Variants in PLA2G4A observed in about 807,000 individuals in gnomAD.
PLA2G4A encodes the protein phospholipase A2 group IVA, also known as cytosolic phospholipase A2.
In PLA2G4A, 40 loss-of-function variants were observed where a neutral mutation model predicts 81.9. That is an observed-to-expected ratio of 0.49 (90% CI 0.38 to 0.64). The LOEUF is 0.64. PLA2G4A is among the 30% of genes least tolerant of loss of function. PLA2G4A has a pLI of 0.00. For missense variants in PLA2G4A, 715 were observed against 905.1 expected, an observed-to-expected ratio of 0.79 and a Z score of 2.69; for synonymous variants, 302 against 296.9, an observed-to-expected ratio of 1.02 and a Z score of -0.18.
intron 3 of PLA2G4A, among the ~76,000 whole-genome samples, chr1:186,874,613 T>G (rs1388633143): frequency 6.6e-6 from 1 of 152,106 alleles, no homozygotes; most frequent in African/African-American, 2.4e-5. Flanking sequence ...AAACTCTTTT[T>G]CTTTACAGAA....
chr1:186,889,846 C>T (rs1654072746), intron 3 of PLA2G4A, among the ~76,000 whole-genome samples: 1 of 152,064 alleles, frequency 6.6e-6, no homozygotes, highest in Admixed American at 6.6e-5. Flanking sequence ...CCTCTAATTC[C>T]AGCTCCTCTT....
intron 5 of PLA2G4A, among the ~76,000 whole-genome samples, chr1:186,902,955 A>G (rs909078987): frequency 6.6e-6 from 1 of 152,092 alleles, no homozygotes; most frequent in African/African-American, 2.4e-5. Context: ...TTAAACATGC[A>G]GAATTTATTA....
At chr1:186,856,095 T>C (rs765071200) in intron 2 of PLA2G4A, among the ~76,000 whole-genome samples, 2 of 151,896 alleles carry the variant, frequency 1.3e-5, no homozygotes, top group Non-Finnish European at 2.9e-5. Context: ...TGCATGCATG[T>C]ACACGCACAT....
chr1:186,959,919 T>TAAAGGA (rs61540498), intron 14 of PLA2G4A, among the ~76,000 whole-genome samples: 60,572 of 151,770 alleles, frequency 0.4, 12,329 homozygotes, highest in South Asian at 0.54. Flanking sequence ...GATTTTTATC[T>TAAAGGA]AATCTAGATA....
Position 186,872,027 on chromosome 1 carries a change from G to T in PLA2G4A, c.115+1511G>T, listed in dbSNP as rs558409465. ...GGAAGTTGGTAAATGTCTGAAGCAA[G>T]GAGAGGATTGTTAGGTAGAATCTAA... On this transcript the variant is annotated intron_variant, in intron 3 of 17. Transcript: ENST00000367466. 2.0e-5 allele frequency among the ~76,000 whole-genome samples: 3 copies of T among 152,176 alleles called. No individual in the cohort carries two copies. In the East Asian group the frequency reaches 5.8e-4, roughly 30 times the overall value.
intron 1 of PLA2G4A, among the ~76,000 whole-genome samples, chr1:186,853,407 G>A (rs1652445061): frequency 6.6e-6 from 1 of 151,744 alleles, no homozygotes. Context: ...TTGTGACAAT[G>A]AGCAGGAATC....
At chr1:186,940,425 T>C (rs1431071188) in intron 10 of PLA2G4A, among the ~76,000 whole-genome samples, 1 of 152,196 alleles carries the variant, frequency 6.6e-6, no homozygotes, top group African/African-American at 2.4e-5. Flanking sequence ...TGCAAATTGT[T>C]TTACTTGTTG....
At chr1:186,915,770 T>C (rs561754595) in intron 7 of PLA2G4A, among the ~76,000 whole-genome samples, 2 of 152,150 alleles carry the variant, frequency 1.3e-5, no homozygotes, top group Non-Finnish European at 2.9e-5. Context: ...TCTGTGTGAT[T>C]TGAGCTCCAC....
Position 186,912,749 on chromosome 1 carries a change from TG to T in PLA2G4A, c.558+1361del, listed in dbSNP as rs1654997996. 6.4e-5 allele frequency among the ~76,000 whole-genome samples: 9 copies of T among 141,016 alleles called. No homozygotes were observed. The South Asian group carries it at 1.9e-3, about 30-fold the overall frequency. 92.5% of individuals were successfully genotyped at this position (141,016 alleles called of 152,430 possible). On this transcript the variant is annotated intron_variant, in intron 7 of 17. Transcript: ENST00000367466. ...ATATATACATATATATACATATATA[TG>T]TATATATATACATAAGTATATATAT...
At chr1:186,956,947 G>C (rs916317176) in intron 14 of PLA2G4A, among the ~76,000 whole-genome samples, 1 of 152,016 alleles carries the variant, frequency 6.6e-6, no homozygotes, top group Non-Finnish European at 1.5e-5. Context: ...CTAGCACTTT[G>C]GGAGGCCGAG....
chr1:186,893,130 T>C lies in PLA2G4A; in HGVS notation c.235T>C (p.Leu79=), dbSNP rs1425942574. Residue 79 remains leucine, a synonymous_variant, in exon 4 of 18, where the codon TTG becomes CTG. Transcript: ENST00000367466. ...GTGGAATGAGACCTTTGAATTTATT[T>C]TGGATCCTAATCAGGAAAATGTTTT... is the stretch of plus-strand genomic sequence containing the variant. The part of the protein sequence containing the change: ...PVWNETFEFI[L]DPNQENVLEI... The C allele has an allele frequency of 1.2e-6, 2 of 1,612,920 alleles. No homozygotes were observed. Among genetic ancestry groups the C allele is most frequent in the Non-Finnish European group, 1.7e-6 (2 of 1,178,944 alleles).
chr1:186,905,805 G>T (rs1654712252), intron 5 of PLA2G4A, among the ~76,000 whole-genome samples: 1 of 152,106 alleles, frequency 6.6e-6, no homozygotes, highest in South Asian at 2.1e-4. Context: ...ACCTATATAA[G>T]ACAGAGCTTA....
At chr1:186,937,657 C>A (rs1656000801) in intron 8 of PLA2G4A, among the ~76,000 whole-genome samples, 1 of 150,762 alleles carries the variant, frequency 6.6e-6, no homozygotes, top group Non-Finnish European at 1.5e-5. Flanking sequence ...AACTCAAACC[C>A]AATAAGGAAT....
chr1:186,829,743 AG>A (rs1651482986), intron 1 of PLA2G4A, among the ~76,000 whole-genome samples: 1 of 152,176 alleles, frequency 6.6e-6, no homozygotes, highest in Middle Eastern at 3.2e-3. Flanking sequence ...CAGAAAAAAA[AG>A]GTATTTGATT....
intron 3 of PLA2G4A, among the ~76,000 whole-genome samples, chr1:186,880,037 T>C (rs971271640): frequency 2.6e-5 from 4 of 152,040 alleles, no homozygotes; most frequent in East Asian, 1.9e-4. Flanking sequence ...GGTTAAAGTT[T>C]AGTTAACATA....
At chr1:186,899,195 G>A (rs965074207) in intron 5 of PLA2G4A, among the ~76,000 whole-genome samples, 29 of 152,272 alleles carry the variant, frequency 1.9e-4, no homozygotes, top group African/African-American at 7.0e-4. Context: ...GTTAAGAAAG[G>A]TATCTTTGAG....
In PLA2G4A at chr1:186,965,600, A is replaced by G; in HGVS notation, c.1764+7A>G. The G allele has an allele frequency of 6.3e-7, 1 of 1,591,066 alleles. No individual in the cohort carries two copies. The highest frequency in any genetic ancestry group is 8.6e-7 in the Non-Finnish European group (1 of 1,159,020). ...CTCTAGTCCTCCGTTCAAGGTAAGG[A>G]TACATAATACAGCATTCCATTCTCT... On this transcript the variant is annotated splice_region_variant and intron_variant, in intron 15 of 17. Transcript: ENST00000367466.
At chr1:186,983,779 G>T (rs181151941) in intron 17 of PLA2G4A, among the ~76,000 whole-genome samples, 68 of 152,146 alleles carry the variant, frequency 4.5e-4, no homozygotes, top group Admixed American at 1.8e-3. Flanking sequence ...GGATGCAGAG[G>T]CATTGGAGTC....
chr1:186,968,084 C>A (rs184965691), intron 15 of PLA2G4A, among the ~76,000 whole-genome samples: 5 of 152,152 alleles, frequency 3.3e-5, no homozygotes, highest in Admixed American at 3.3e-4. Flanking sequence ...AAGATGATAG[C>A]TTAGAAGCTG....
Sources: gnomAD v4.1 joint callset for allele counts (sites outside exome capture counted in the v4.1 genomes callset) on GRCh38, gnomAD v4.1.1 for gene constraint, MANE v1.5 for transcripts, NCBI Gene and HGNC (gene_info 2026-07-23, HGNC 2026-07-21) for gene names.